KIAA1217: variants seen among roughly 807,000 people sequenced by gnomAD.
KIAA1217 encodes the protein KIAA1217.
KIAA1217 carries 88 observed loss-of-function variants against 163.9 expected under a neutral mutation model. That is an observed-to-expected ratio of 0.54 (90% confidence interval 0.45 to 0.64). The LOEUF (loss-of-function observed/expected upper bound fraction) is 0.64, where lower values mean the gene tolerates loss of function less well. Among genes scored for constraint, KIAA1217 ranks in the 30% least tolerant of loss-of-function variants. KIAA1217 has a pLI of 0.00. For missense variants in KIAA1217, 2,372 were observed against 2,475.0 expected, an observed-to-expected ratio of 0.96 and a Z score of 0.88; for synonymous variants, 903 against 923.1, an observed-to-expected ratio of 0.98 and a Z score of 0.39.
chr10:23,717,002 A>C (rs1837612891), intron 1 of KIAA1217, among the ~76,000 whole-genome samples: 1 of 152,136 alleles, frequency 6.6e-6, no homozygotes, highest in Non-Finnish European at 1.5e-5. Flanking sequence ...TATTTCACTT[A>C]TTTTAAGAAA....
At chr10:24,188,347 A>G (rs1398757038) in intron 2 of KIAA1217, among the ~76,000 whole-genome samples, 1 of 152,248 alleles carries the variant, frequency 6.6e-6, no homozygotes. Flanking sequence ...CCTCAAAAAC[A>G]TAAGCCATAA....
chr10:23,934,579 A>ATGTGTGTGTGTGTG (rs1437127714), intron 1 of KIAA1217, among the ~76,000 whole-genome samples: 14 of 59,784 alleles, frequency 2.3e-4, no homozygotes, highest in African/African-American at 2.1e-3. Flanking sequence ...ATATATATAT[A>ATGTGTGTGTGTGTG]TATATATATA....
At chr10:24,435,050 G>A (rs1591907344) in intron 4 of KIAA1217, among the ~76,000 whole-genome samples, 3 of 152,164 alleles carry the variant, frequency 2.0e-5, no homozygotes, top group Admixed American at 2.0e-4. Context: ...TGGAATTAAT[G>A]GGTACCACTT....
chr10:23,778,980 G>A (rs1157534344), intron 1 of KIAA1217, among the ~76,000 whole-genome samples: 1 of 152,110 alleles, frequency 6.6e-6, no homozygotes, highest in Non-Finnish European at 1.5e-5. Flanking sequence ...TTCTCCAGTT[G>A]ATAAGCTTGG....
chr10:24,270,682 G>A (rs1001233980), intron 2 of KIAA1217, among the ~76,000 whole-genome samples: 11 of 151,946 alleles, frequency 7.2e-5, no homozygotes, highest in East Asian at 3.9e-4. Flanking sequence ...CTGAGATTAC[G>A]GGCGCCTGCC....
intron 1 of KIAA1217, among the ~76,000 whole-genome samples, chr10:23,969,593 T>A (rs1296857863): frequency 6.6e-6 from 1 of 152,214 alleles, no homozygotes; most frequent in African/African-American, 2.4e-5. Flanking sequence ...TGGAGAAACG[T>A]CTATTCAGAT....
intron 17 of KIAA1217, among the ~76,000 whole-genome samples, chr10:24,539,421 G>A (rs1172499482): frequency 2.0e-5 from 3 of 151,852 alleles, no homozygotes; most frequent in Non-Finnish European, 4.4e-5. Context: ...ATTAGAGATA[G>A]GGTTTCACCT....
chr10:24,513,461 G>A (rs369702937), intron 10 of KIAA1217, 27 bp downstream of exon 10: 1 of 1,607,560 alleles, frequency 6.2e-7, no homozygotes, highest in African/African-American at 1.3e-5. Context: ...TGCATGTTGA[G>A]CTGTTTCACC....
intron 1 of KIAA1217, among the ~76,000 whole-genome samples, chr10:23,833,388 C>A (rs1240417196): frequency 6.6e-6 from 1 of 151,210 alleles, no homozygotes; most frequent in Non-Finnish European, 1.5e-5. Context: ...GAGGCTGAGG[C>A]AGGAGAATTG....
intron 2 of KIAA1217, among the ~76,000 whole-genome samples, chr10:24,103,290 A>G (rs993633070): frequency 1.7e-4 from 26 of 152,224 alleles, no homozygotes; most frequent in Non-Finnish European, 2.9e-5. Context: ...TAAATGCAAA[A>G]CAATAAAGCT....
At chr10:24,233,440 A>T (rs1052616606) in intron 2 of KIAA1217, among the ~76,000 whole-genome samples, 22 of 152,284 alleles carry the variant, frequency 1.4e-4, no homozygotes, top group African/African-American at 5.3e-4. Context: ...TCAACATGAG[A>T]TTTGGAGGGG....
At chr10:24,140,509 T>C (rs1016731832) in intron 2 of KIAA1217, among the ~76,000 whole-genome samples, 2 of 152,190 alleles carry the variant, frequency 1.3e-5, no homozygotes, top group African/African-American at 4.8e-5. Flanking sequence ...GTCGATCTGA[T>C]AACCCAGACA....
At chr10:24,180,195 T>C (rs1214249880) in intron 2 of KIAA1217, among the ~76,000 whole-genome samples, 1 of 152,106 alleles carries the variant, frequency 6.6e-6, no homozygotes, top group Non-Finnish European at 1.5e-5. Context: ...AGGTGGCTTA[T>C]TCTGCTCACC....
intron 2 of KIAA1217, among the ~76,000 whole-genome samples, chr10:24,320,166 C>A (rs906945892): frequency 2.0e-5 from 3 of 152,128 alleles, no homozygotes; most frequent in Non-Finnish European, 2.9e-5. Flanking sequence ...AGGAAAGCAT[C>A]CTATTCCAAG....
rs561562251 is a variant in KIAA1217 at position 24,460,429 on chromosome 10, T to C, written c.847-12799T>C. ...GCGGCTCTTCTGAACCCAGGAAGAA[T>C]GGGCATGAGGGCTTTTTTAATCTAG... On this transcript the variant is annotated intron_variant, in intron 5 of 20. Coordinates refer to ENST00000376454, the MANE Select transcript of KIAA1217 (RefSeq NM_019590.5). Among the ~76,000 whole-genome samples, 213 of 152,288 alleles carry C rather than the reference T, an allele frequency of 1.4e-3. 1 individual carries two copies. The highest frequency in any genetic ancestry group is 4.9e-3 in the African/African-American group (205 of 41,574).
At chr10:24,063,893 C>T (rs1215587325) in intron 2 of KIAA1217, among the ~76,000 whole-genome samples, 2 of 152,104 alleles carry the variant, frequency 1.3e-5, no homozygotes, top group Non-Finnish European at 2.9e-5. Context: ...ATTCTATTCC[C>T]TTTGAAGCAA....
intron 1 of KIAA1217, among the ~76,000 whole-genome samples, chr10:23,725,754 A>G (rs1374199576): frequency 2.0e-5 from 3 of 152,354 alleles, no homozygotes; most frequent in East Asian, 3.9e-4. Flanking sequence ...TGACTTACAG[A>G]GACTAGCATT....
intron 2 of KIAA1217, among the ~76,000 whole-genome samples, chr10:24,037,387 G>C (rs1848439846): frequency 6.6e-6 from 1 of 152,240 alleles, no homozygotes; most frequent in African/African-American, 2.4e-5. Context: ...CTACTCAGGA[G>C]GATGAGGCAT....
At chr10:23,903,400 A>G (rs1410816508) in intron 1 of KIAA1217, among the ~76,000 whole-genome samples, 1 of 152,140 alleles carries the variant, frequency 6.6e-6, no homozygotes, top group Non-Finnish European at 1.5e-5. Context: ...AAAGCCCATC[A>G]TACCTATTTA....
Sources: gnomAD v4.1 joint callset for allele counts (sites outside exome capture counted in the v4.1 genomes callset) on GRCh38, gnomAD v4.1.1 for gene constraint, MANE v1.5 for transcripts, NCBI Gene and HGNC (gene_info 2026-07-23, HGNC 2026-07-21) for gene names.